The following SMIM36 variants were observed in gnomAD, a reference collection of about 807,000 sequenced individuals.
SMIM36 encodes the protein small integral membrane protein 36.
Position 55,500,848 on chromosome 17 carries a change from A to G in SMIM36, c.*174+10031T>C, listed in dbSNP as rs1169603549. Among the ~76,000 whole-genome samples the G allele has an allele frequency of 5.8e-4, 8 of 13,906 alleles. 3 individuals carry two copies. The highest frequency in any genetic ancestry group is 3.6e-3 in the Admixed American group (3 of 842). 9.1% of individuals were successfully genotyped at this position (13,906 alleles called of 152,430 possible). A position where few individuals can be genotyped will look rare whatever the true frequency, so the allele number is the denominator to read the frequency against. ...TTTATAATATATATTATAATATATT[A>G]TATTATAATATATTATAATATATTA... On this transcript the variant is annotated intron_variant, in intron 1 of 4. Transcript: ENST00000636752.
chr17:55,503,983 A>G (rs974588955), intron 1 of SMIM36, among the ~76,000 whole-genome samples: 2 of 96,116 alleles, frequency 2.1e-5, no homozygotes, highest in African/African-American at 1.2e-4. Context: ...AAAGAAGGCC[A>G]TTACATAATG....
intron 3 of SMIM36, among the ~76,000 whole-genome samples, chr17:55,476,832 G>A (rs1424417194): frequency 6.6e-6 from 1 of 152,192 alleles, no homozygotes; most frequent in Non-Finnish European, 1.5e-5. Flanking sequence ...CTCCCAAAGT[G>A]CTGGGATTAC....
intron 3 of SMIM36, among the ~76,000 whole-genome samples, chr17:55,474,628 T>C (rs766827171): frequency 2.0e-5 from 3 of 152,228 alleles, no homozygotes; most frequent in Non-Finnish European, 4.4e-5. Context: ...TACTTTGGTT[T>C]TGCTTTTGAC....
chr17:55,453,240 C>T (rs1908955132), intron 4 of SMIM36, among the ~76,000 whole-genome samples: 1 of 151,800 alleles, frequency 6.6e-6, no homozygotes, highest in African/African-American at 2.4e-5. Context: ...TGGCTTGAGC[C>T]CAGGAGTTTG....
At chr17:55,472,473 T>C (rs536168238) in intron 3 of SMIM36, among the ~76,000 whole-genome samples, 105 of 152,348 alleles carry the variant, frequency 6.9e-4, no homozygotes, top group African/African-American at 2.4e-3. Context: ...CCAGTATCAA[T>C]GCCTTCCTAA....
chr17:55,460,790 G>A (rs953165998), intron 4 of SMIM36, among the ~76,000 whole-genome samples: 3 of 151,986 alleles, frequency 2.0e-5, no homozygotes, highest in Admixed American at 6.6e-5. Context: ...CCCAGGAGGC[G>A]GAGCTTCCAG....
the SMIM36 span, among the ~76,000 whole-genome samples, chr17:55,523,445 G>C: frequency 6.6e-6 from 1 of 151,522 alleles, no homozygotes; most frequent in Admixed American, 6.6e-5. Context: ...CAGGAGAATT[G>C]CTTGAACCCG....
intron 1 of SMIM36, among the ~76,000 whole-genome samples, chr17:55,481,877 T>A (rs1909526591): frequency 6.6e-6 from 1 of 152,130 alleles, no homozygotes; most frequent in African/African-American, 2.4e-5. Context: ...TTATTTTTTT[T>A]GTAGAAATGA....
At chr17:55,513,168 G>A (rs1306782520), upstream of SMIM36, among the ~76,000 whole-genome samples, 1 of 152,108 alleles carries the variant, frequency 6.6e-6, no homozygotes, top group African/African-American at 2.4e-5. Context: ...AGAATCTTTG[G>A]GACTAGAGTC....
chr17:55,527,367 T>G, the SMIM36 span, among the ~76,000 whole-genome samples: 1 of 152,114 alleles, frequency 6.6e-6, no homozygotes, highest in African/African-American at 2.4e-5. Context: ...AATTTTAAAT[T>G]TAGCCAAGAT....
intron 3 of SMIM36, among the ~76,000 whole-genome samples, chr17:55,469,380 A>C (rs538611820): frequency 6.6e-6 from 1 of 152,218 alleles, no homozygotes; most frequent in South Asian, 2.1e-4. Flanking sequence ...TTTTCATCAA[A>C]TATAAAAAGC....
chr17:55,486,146 T>C (rs1460352335), intron 1 of SMIM36, among the ~76,000 whole-genome samples: 1 of 151,862 alleles, frequency 6.6e-6, no homozygotes, highest in African/African-American at 2.4e-5. Flanking sequence ...GTGATTCTCC[T>C]GCCTCAGCCT....
At chr17:55,524,206 G>A in the SMIM36 span, among the ~76,000 whole-genome samples, 1 of 152,136 alleles carries the variant, frequency 6.6e-6, no homozygotes, top group Non-Finnish European at 1.5e-5. Context: ...AGTTTGCTAA[G>A]GATAATGACC....
upstream of SMIM36, chr17:55,511,481 G>C: frequency 2.6e-6 from 1 of 389,834 alleles, no homozygotes. Flanking sequence ...AGGAGACCTC[G>C]AGGATTAAAG....
At chr17:55,525,255 C>T in the SMIM36 span, among the ~76,000 whole-genome samples, 2 of 152,208 alleles carry the variant, frequency 1.3e-5, no homozygotes, top group African/African-American at 2.4e-5. Flanking sequence ...TTTGGAAAAA[C>T]TGTGTCATCC....
intron 4 of SMIM36, among the ~76,000 whole-genome samples, chr17:55,464,623 CAT>C (rs1218343829): frequency 1.3e-5 from 2 of 152,164 alleles, no homozygotes; most frequent in Non-Finnish European, 2.9e-5. Context: ...GGATAAGAAA[CAT>C]AGAATGGTAG....
At chr17:55,501,891 G>GCAGGT (rs1909991653) in intron 1 of SMIM36, among the ~76,000 whole-genome samples, 1 of 84,590 alleles carries the variant, frequency 1.2e-5, no homozygotes, top group African/African-American at 1.2e-4. Flanking sequence ...GCGAGCCGAA[G>GCAGGT]CAAGGCATTG....
chr17:55,488,441 C>T (rs1909644517), intron 1 of SMIM36, among the ~76,000 whole-genome samples: 1 of 152,172 alleles, frequency 6.6e-6, no homozygotes, highest in African/African-American at 2.4e-5. Context: ...TTTACAATTT[C>T]CCAGGGTTTA....
chr17:55,487,489 G>C (rs777867096), intron 1 of SMIM36, among the ~76,000 whole-genome samples: 19 of 152,150 alleles, frequency 1.2e-4, no homozygotes, highest in Non-Finnish European at 2.5e-4. Context: ...GAGGCACATC[G>C]GCTGATCTCT....
Sources: allele counts gnomAD v4.1 joint callset (sites outside exome capture counted in the v4.1 genomes callset), GRCh38; gene constraint gnomAD v4.1.1; transcripts MANE v1.5; gene names NCBI Gene and HGNC (gene_info 2026-07-23, HGNC 2026-07-21).